Variants in CACNB4 observed in about 807,000 individuals in gnomAD.
The protein encoded by CACNB4 is voltage-dependent L-type calcium channel subunit beta-4.
In CACNB4, 32 loss-of-function variants were observed where a neutral mutation model predicts 71.2. That is an observed-to-expected ratio of 0.45 (90% CI 0.34 to 0.60). CACNB4 has a LOEUF of 0.60. CACNB4 is among the 20% of genes least tolerant of loss of function. The pLI is 0.01. For missense variants in CACNB4, 464 were observed against 647.9 expected, an observed-to-expected ratio of 0.72 and a Z score of 3.08; for synonymous variants, 231 against 236.9, an observed-to-expected ratio of 0.97 and a Z score of 0.23.
At chr2:151,947,736 C>G (rs1017543767) in intron 2 of CACNB4, among the ~76,000 whole-genome samples, 2 of 152,142 alleles carry the variant, frequency 1.3e-5, no homozygotes, top group Non-Finnish European at 2.9e-5. Context: ...TCTTCTGAGA[C>G]CACCCAGCAC....
At chr2:151,874,722 C>T (rs907082294) in intron 5 of CACNB4, among the ~76,000 whole-genome samples, 19 of 152,170 alleles carry the variant, frequency 1.2e-4, no homozygotes, top group African/African-American at 4.3e-4. Flanking sequence ...AGAGAAAGAG[C>T]TGCTTCTATT....
intron 2 of CACNB4, among the ~76,000 whole-genome samples, chr2:152,079,278 T>C (rs1045673198): frequency 6.6e-6 from 1 of 151,842 alleles, no homozygotes; most frequent in Non-Finnish European, 1.5e-5. Context: ...TTAGTAGAGA[T>C]GGGGTTTCAC....
At chr2:151,943,292 A>G (rs543708179) in intron 2 of CACNB4, among the ~76,000 whole-genome samples, 2 of 152,306 alleles carry the variant, frequency 1.3e-5, no homozygotes, top group Admixed American at 6.5e-5. Flanking sequence ...GGTTCCCCCA[A>G]TAGTGCTGCT....
At chr2:151,995,149 G>A (rs1681969669) in intron 2 of CACNB4, among the ~76,000 whole-genome samples, 1 of 152,116 alleles carries the variant, frequency 6.6e-6, no homozygotes, top group East Asian at 1.9e-4. Flanking sequence ...AAGGTTGCAA[G>A]CATAAATGCC....
At chr2:151,964,988 G>A (rs1380225175) in intron 2 of CACNB4, among the ~76,000 whole-genome samples, 3 of 152,026 alleles carry the variant, frequency 2.0e-5, no homozygotes, top group Non-Finnish European at 2.9e-5. Flanking sequence ...TCCTATATTC[G>A]AAGCGTTAAC....
rs577934269 is a variant in CACNB4, at chr2:152,038,127, G to C, written c.147+60203C>G. 5.3e-5 allele frequency among the ~76,000 whole-genome samples: 8 copies of C among 152,342 alleles called. No individual in the cohort carries two copies. The South Asian group carries it at 1.7e-3, about 32-fold the overall frequency. On this transcript the variant is annotated intron_variant, in intron 2 of 13. Transcript: ENST00000539935. ...GCTGTATTTGGAGGCAGGAGGTGGG[G>C]GTAGCTTTCATAAATCCTGCCAATG...
At chr2:151,910,255 G>A (rs2099855860) in intron 2 of CACNB4, among the ~76,000 whole-genome samples, 1 of 152,054 alleles carries the variant, frequency 6.6e-6, no homozygotes, top group African/African-American at 2.4e-5. Flanking sequence ...TAAGTTCCTT[G>A]TAAATTCTGG....
chr2:152,012,977 ATC>A (rs988702385), intron 2 of CACNB4, among the ~76,000 whole-genome samples: 1 of 152,220 alleles, frequency 6.6e-6, no homozygotes, highest in African/African-American at 2.4e-5. Context: ...TACCATTTTA[ATC>A]TCTTACACCA....
chr2:151,860,716 C>G lies in CACNB4; in HGVS notation c.863G>C (p.Ser288Thr). The G allele has an allele frequency of 6.2e-7, 1 of 1,607,018 alleles. No homozygotes were observed. Among genetic ancestry groups the G allele is most frequent in the Non-Finnish European group, 8.5e-7 (1 of 1,173,522 alleles). ...ACCACATTTGAACATCTTACCTAAGCTGGACCGGGTGTTCGAACGTTCAAT... is the reference window on the plus strand; with the variant it reads ...ACCACATTTGAACATCTTACCTAAGGTGGACCGGGTGTTCGAACGTTCAAT... ...AIIERSNTRS[S>T]LAEVQSEIER... Residue 288 changes from serine (S) to threonine (T), a missense_variant, in exon 10 of 14, where the codon AGC becomes ACC. Ser to Thr is a moderately conservative substitution (Grantham distance 58, BLOSUM62 1). Around this residue, in one of 3 missense-constraint regions of CACNB4, gnomAD observed 299 missense variants for 471.7 expected, o/e 0.63. Transcript: ENST00000539935.
intron 2 of CACNB4, among the ~76,000 whole-genome samples, chr2:151,909,111 T>A (rs888493852): frequency 4.1e-5 from 6 of 147,336 alleles, no homozygotes; most frequent in Non-Finnish European, 6.0e-5. Flanking sequence ...TATATATATT[T>A]ATATATATAT....
At chr2:151,875,727 A>G (rs2099845938) in intron 5 of CACNB4, among the ~76,000 whole-genome samples, 1 of 83,890 alleles carries the variant, frequency 1.2e-5, no homozygotes, top group African/African-American at 5.3e-5. Context: ...GGGGCTCCTC[A>G]CTTCCCAGTA....
intron 11 of CACNB4, chr2:151,854,867 TAC>T: frequency 5.8e-6 from 1 of 171,324 alleles, no homozygotes; most frequent in East Asian, 1.6e-4. Context: ...CTCAACTAGG[TAC>T]AGAGTATGGA....
rs150691210 is a variant in CACNB4 at position 152,072,543 on chromosome 2, C to A, written c.147+25787G>T. Among the ~76,000 whole-genome samples the A allele has an allele frequency of 2.4e-3, 364 of 152,308 alleles. 1 individual carries two copies. The highest frequency in any genetic ancestry group is 3.8e-3 in the Non-Finnish European group (258 of 68,038). Reference sequence around the variant, plus strand: ...CAAATTTAGTAACAGTTATAGTAATCTTTTAACATTATAAACCTTTTTCAC... The same window carrying A: ...CAAATTTAGTAACAGTTATAGTAATATTTTAACATTATAAACCTTTTTCAC... On this transcript the variant is annotated intron_variant, in intron 2 of 13. Transcript: ENST00000539935.
At chr2:152,018,101 G>A (rs1226084811) in intron 2 of CACNB4, among the ~76,000 whole-genome samples, 1 of 152,124 alleles carries the variant, frequency 6.6e-6, no homozygotes, top group Admixed American at 6.5e-5. Context: ...CCAAAGTGCT[G>A]GGATTACAAG....
chr2:151,870,992 T>C (rs917377659), intron 6 of CACNB4, 131 bp from the exon 7 acceptor site: 1 of 660,978 alleles, frequency 1.5e-6, no homozygotes, highest in Non-Finnish European at 2.7e-6. Flanking sequence ...TCGCCCACTT[T>C]GGAGAACCTG....
intron 2 of CACNB4, among the ~76,000 whole-genome samples, chr2:151,893,200 G>A (rs996595653): frequency 6.6e-6 from 1 of 151,922 alleles, no homozygotes; most frequent in Non-Finnish European, 1.5e-5. Flanking sequence ...TAATAGTGTT[G>A]GGAAACTGAG....
chr2:151,927,812 T>C (rs1443252784), intron 2 of CACNB4, among the ~76,000 whole-genome samples: 1 of 152,246 alleles, frequency 6.6e-6, no homozygotes, highest in Non-Finnish European at 1.5e-5. Context: ...AAAGAGAGGC[T>C]GATGGGCTGG....
chr2:151,964,385 T>G (rs1344106848), intron 2 of CACNB4, among the ~76,000 whole-genome samples: 2 of 152,004 alleles, frequency 1.3e-5, no homozygotes, highest in Non-Finnish European at 2.9e-5. Context: ...TGCATAGAAA[T>G]GGATATCCAC....
At position 152,098,567 on chromosome 2, in the gene CACNB4, C is replaced by CG; in HGVS notation, c.64-155_64-154insC. The CG allele has an allele frequency of 4.9e-6, 4 of 822,996 alleles. No homozygotes were observed. Among genetic ancestry groups the CG allele is most frequent in the Non-Finnish European group, 8.3e-6 (4 of 483,972 alleles). 51.0% of individuals were successfully genotyped at this position (822,996 alleles called of 1,614,324 possible). A position where few individuals can be genotyped will look rare whatever the true frequency, so the allele number is the denominator to read the frequency against. ...TCCTCCGCGACTCCCAAATACAGCCCCCACCCCCACCCACCCACTGCAAGC... is the reference window on the plus strand; with the variant it reads ...TCCTCCGCGACTCCCAAATACAGCCCGCCACCCCCACCCACCCACTGCAAGC... On this transcript the variant is annotated intron_variant, in intron 1 of 13. Coordinates refer to ENST00000539935, the MANE Select transcript of CACNB4 (RefSeq NM_000726.5). The surrounding 1 kb of genome is among the most constrained non-coding windows in gnomAD (Gnocchi z 5.3).
Sources: gnomAD v4.1 joint callset for allele counts (sites outside exome capture counted in the v4.1 genomes callset) on GRCh38, gnomAD v4.1.1 for gene constraint, gnomAD v4.1.1 regional missense constraint, Gnocchi (gnomAD v3.1) non-coding constraint, MANE v1.5 for transcripts, NCBI Gene and HGNC (gene_info 2026-07-23, HGNC 2026-07-21) for gene names.